Variants in ABCA12 observed in about 807,000 individuals in gnomAD.
The protein encoded by ABCA12 is ATP binding cassette subfamily A member 12, also known as glucosylceramide transporter ABCA12.
Under a neutral mutation model 293.5 loss-of-function variants are expected in ABCA12, and 156 were observed. The observed-to-expected ratio is 0.53, with a 90% CI of 0.47 to 0.61. ABCA12 has a LOEUF of 0.61. Ranked by LOEUF, ABCA12 falls within the 20% of genes least tolerant of loss-of-function variation. The pLI is 0.00. For synonymous variants in ABCA12, 1,063 were observed against 1,108.0 expected, an observed-to-expected ratio of 0.96 and a Z score of 0.81; for missense variants, 2,797 against 3,090.2, an observed-to-expected ratio of 0.91 and a Z score of 2.25.
At chr2:215,011,863 TTG>T (rs1700382222) in intron 16 of ABCA12, 106 bp downstream of exon 16, 4 of 1,244,760 alleles carry the variant, frequency 3.2e-6, no homozygotes, top group Non-Finnish European at 4.4e-6. Context: ...CTTGTAGGTG[TTG>T]TTTTTTTTTT....
At chr2:215,063,444 A>G (rs141810383) in intron 3 of ABCA12, among the ~76,000 whole-genome samples, 4 of 152,116 alleles carry the variant, frequency 2.6e-5, no homozygotes, top group African/African-American at 9.6e-5. Context: ...TTTTAGGTTT[A>G]GAATCCCAGC....
chr2:214,979,092 G>A, intron 31 of ABCA12, 52 bp from the exon 32 acceptor site: 1 of 1,509,666 alleles, frequency 6.6e-7, no homozygotes, highest in African/African-American at 1.4e-5. Flanking sequence ...ACACTATAGT[G>A]CTCCAGGCCC....
intron 22 of ABCA12, among the ~76,000 whole-genome samples, chr2:214,998,862 G>C: frequency 6.6e-6 from 1 of 152,138 alleles, no homozygotes; most frequent in Non-Finnish European, 1.5e-5. Context: ...ATGTCGATGA[G>C]AGATTCTAAG....
chr2:214,965,135 C>A (rs577520304), intron 39 of ABCA12, among the ~76,000 whole-genome samples: 1 of 152,176 alleles, frequency 6.6e-6, no homozygotes, highest in South Asian at 2.1e-4. Context: ...GAAAAAGATT[C>A]CCTATTTAAT....
At chr2:214,941,440 A>G (rs1461623646) in intron 50 of ABCA12, among the ~76,000 whole-genome samples, 1 of 152,162 alleles carries the variant, frequency 6.6e-6, no homozygotes, top group East Asian at 1.9e-4. Flanking sequence ...TTTCGGGTGG[A>G]GAGTTCTATA....
At chr2:215,136,003 GT>G (rs1257318127) in intron 1 of ABCA12, among the ~76,000 whole-genome samples, 2 of 151,962 alleles carry the variant, frequency 1.3e-5, no homozygotes, top group African/African-American at 2.4e-5. Context: ...GGTCTCTCTT[GT>G]CCCTCTGGTT....
At chr2:214,967,036 A>G in intron 38 of ABCA12, 83 bp from the exon 39 acceptor site, 1 of 1,042,054 alleles carries the variant, frequency 9.6e-7, no homozygotes. Context: ...TATCTTATTT[A>G]TATTTAAAAT....
chr2:215,088,253 A>G (rs1235256571), intron 2 of ABCA12, among the ~76,000 whole-genome samples: 1 of 152,248 alleles, frequency 6.6e-6, no homozygotes, highest in Non-Finnish European at 1.5e-5. Context: ...ATGGGATAAT[A>G]TAATGAAGAT....
At chr2:215,132,249 G>A (rs1401805761) in intron 1 of ABCA12, among the ~76,000 whole-genome samples, 2 of 152,002 alleles carry the variant, frequency 1.3e-5, no homozygotes, top group Non-Finnish European at 2.9e-5. Flanking sequence ...TGTCTATTAG[G>A]TCCTTTTGCT....
At chr2:214,956,070 T>C (rs1167074681) in intron 42 of ABCA12, among the ~76,000 whole-genome samples, 4 of 152,160 alleles carry the variant, frequency 2.6e-5, no homozygotes, top group African/African-American at 4.8e-5. Flanking sequence ...CTTGAGCAAT[T>C]TGGGGGGCAA....
rs757074410 is a variant in ABCA12, at chr2:214,997,684, T to G, written c.3294+11A>C. On this transcript the variant is annotated intron_variant, in intron 23 of 52. Coordinates refer to ENST00000272895, the MANE Select transcript of ABCA12 (RefSeq NM_173076.3). ...GGACTTATTCATAACAAGAAGTGAT[T>G]TTCAACATACCTCATGAAGCCGGAG... 2 of 1,566,864 alleles carry G rather than the reference T, an allele frequency of 1.3e-6. No individual in the cohort carries two copies. The highest frequency in any genetic ancestry group is 1.8e-6 in the Non-Finnish European group (2 of 1,137,808).
At chr2:214,975,061 T>C (rs1215755424) in intron 34 of ABCA12, among the ~76,000 whole-genome samples, 197 bp from the exon 35 acceptor site, 1 of 152,012 alleles carries the variant, frequency 6.6e-6, no homozygotes, top group African/African-American at 2.4e-5. Context: ...GCCTCCCGGG[T>C]TCAAGCGATG....
At chr2:215,037,574 A>T (rs1346340028) in intron 7 of ABCA12, among the ~76,000 whole-genome samples, 1 of 152,172 alleles carries the variant, frequency 6.6e-6, no homozygotes. Context: ...CTAATTAAAG[A>T]CTATATTCTA....
intron 5 of ABCA12, among the ~76,000 whole-genome samples, chr2:215,051,651 G>GTGTGTGTGTGTGTGT (rs1553538374): frequency 4.7e-5 from 2 of 42,786 alleles, no homozygotes; most frequent in Non-Finnish European, 1.8e-4. Context: ...TGTGTGTGAA[G>GTGTGTGTGTGTGTGT]GTGATGGGGG....
At chr2:215,047,464 C>T (rs1039453015) in intron 6 of ABCA12, among the ~76,000 whole-genome samples, 2 of 151,978 alleles carry the variant, frequency 1.3e-5, no homozygotes, top group African/African-American at 4.8e-5. Context: ...AATAGCAAAC[C>T]CAGAAATAGG....
chr2:215,091,921 T>C (rs1702155606), intron 2 of ABCA12, among the ~76,000 whole-genome samples: 1 of 152,202 alleles, frequency 6.6e-6, no homozygotes, highest in South Asian at 2.1e-4. Context: ...GGATTCCTCC[T>C]AAGCTGTGTC....
intron 47 of ABCA12, among the ~76,000 whole-genome samples, chr2:214,948,164 G>T (rs1389155562): frequency 6.6e-6 from 1 of 152,156 alleles, no homozygotes; most frequent in Non-Finnish European, 1.5e-5. Flanking sequence ...GCAAATAGTT[G>T]CAGTGAGATC....
At chr2:215,063,990 G>A (rs1411854367) in intron 3 of ABCA12, 76 bp downstream of exon 3, 1 of 1,591,168 alleles carries the variant, frequency 6.3e-7, no homozygotes, top group Non-Finnish European at 8.6e-7. Context: ...AAGCTTGCAT[G>A]GCTTCCTGGC....
chr2:214,961,173 T>G (rs1699101838), intron 39 of ABCA12, among the ~76,000 whole-genome samples: 1 of 152,102 alleles, frequency 6.6e-6, no homozygotes, highest in South Asian at 2.1e-4. Context: ...GATGTAGCAC[T>G]TCTTCTTTGA....
Sources: allele counts gnomAD v4.1 joint callset (sites outside exome capture counted in the v4.1 genomes callset), GRCh38; gene constraint gnomAD v4.1.1; transcripts MANE v1.5; gene names NCBI Gene and HGNC (gene_info 2026-07-23, HGNC 2026-07-21).